Variants in MAU2 observed in about 807,000 individuals in gnomAD.
MAU2 encodes MAU2 sister chromatid cohesion factor, also known as MAU2 chromatid cohesion factor homolog.
In MAU2, 9 loss-of-function variants were observed where a neutral mutation model predicts 89.1. The ratio of observed to expected loss-of-function variants is 0.10; its 90% CI spans 0.06 to 0.18. MAU2 has a LOEUF of 0.18. Ranked by LOEUF, MAU2 falls within the 10% of genes least tolerant of loss-of-function variation. The probability of loss-of-function intolerance (pLI) is 1.00; values close to 1 mark genes in which losing one functional copy is unlikely to be tolerated. For synonymous variants in MAU2, 357 were observed against 343.4 expected (o/e 1.04, Z -0.44); for missense variants, 425 against 803.5 (o/e 0.53, Z 5.69).
chr19:19,344,833 C>A lies in MAU2; in HGVS notation c.1078-16C>A. 1 of 1,610,636 alleles carries A rather than the reference C, an allele frequency of 6.2e-7. No individual in the cohort carries two copies. Among genetic ancestry groups the A allele is most frequent in the Non-Finnish European group, 8.5e-7 (1 of 1,177,548 alleles). On this transcript the variant is annotated splice_polypyrimidine_tract_variant and intron_variant, in intron 10 of 18. Transcript: ENST00000262815. Reference sequence around the variant, plus strand: ...AGGTTGCAGTCCTGTGATGGCAGTACACTCTCTCCCGGCAGATCTCCCAGG... The same window carrying A: ...AGGTTGCAGTCCTGTGATGGCAGTAAACTCTCTCCCGGCAGATCTCCCAGG...
chr19:19,349,021 C>G, intron 14 of MAU2, 83 bp downstream of exon 14: 1 of 1,567,514 alleles, frequency 6.4e-7, no homozygotes, highest in Non-Finnish European at 8.7e-7. Flanking sequence ...CCCTTGCACC[C>G]TGACACCCCA....
chr19:19,353,294 A>C (rs545138404), intron 16 of MAU2: 2 of 152,384 alleles, frequency 1.3e-5, no homozygotes, highest in South Asian at 4.1e-4. Context: ...GCTTTCAGAC[A>C]GAGGTCCTTG....
At chr19:19,321,248 A>G in intron 1 of MAU2, 113 bp downstream of exon 1, 1 of 1,258,092 alleles carries the variant, frequency 7.9e-7, no homozygotes, top group Non-Finnish European at 1.0e-6. Flanking sequence ...TGGGGGCGCG[A>G]CCTCCGTCAA....
At chr19:19,344,054 G>A (rs2061674133) in intron 10 of MAU2, 114 bp downstream of exon 10, 1 of 812,252 alleles carries the variant, frequency 1.2e-6, no homozygotes, top group African/African-American at 1.7e-5. Context: ...CCATCCTGCT[G>A]TCTCGCTGTC....
intron 1 of MAU2, among the ~76,000 whole-genome samples, chr19:19,331,759 C>A (rs1288287071): frequency 4.0e-5 from 6 of 151,828 alleles, no homozygotes; most frequent in East Asian, 1.9e-4. Flanking sequence ...AAAAGAAAAA[C>A]AAAACTCTAA....
chr19:19,355,451 G>GA, intron 18 of MAU2, 60 bp downstream of exon 18: 1 of 1,598,184 alleles, frequency 6.3e-7, no homozygotes, highest in Non-Finnish European at 8.5e-7. Context: ...CCTGCAAGAG[G>GA]AAGGGGCACC....
At chr19:19,327,301 G>GTATTTATTTATT (rs147425412) in intron 1 of MAU2, among the ~76,000 whole-genome samples, 32 of 142,378 alleles carry the variant, frequency 2.2e-4, no homozygotes, top group Admixed American at 1.7e-3. Context: ...TTTTCTACTT[G>GTATTTATTTATT]TATTTATTTA....
At chr19:19,326,721 C>CATATAT (rs35247410) in intron 1 of MAU2, among the ~76,000 whole-genome samples, 12 of 80,992 alleles carry the variant, frequency 1.5e-4, no homozygotes, top group Non-Finnish European at 2.3e-4. Context: ...TATATATATA[C>CATATAT]ATATATATAT....
intron 16 of MAU2, among the ~76,000 whole-genome samples, chr19:19,349,965 G>A (rs1008956957): frequency 6.7e-6 from 1 of 149,300 alleles, no homozygotes; most frequent in Non-Finnish European, 1.5e-5. Flanking sequence ...CTGATCTCAC[G>A]AGGTCTTGAA....
chr19:19,335,870 C>A, intron 2 of MAU2, 135 bp downstream of exon 2: 1 of 993,888 alleles, frequency 1.0e-6, no homozygotes, highest in South Asian at 1.4e-5. Flanking sequence ...CTGGAGTGTC[C>A]CCCACCTGGC....
At chr19:19,329,956 A>T (rs573540643) in intron 1 of MAU2, among the ~76,000 whole-genome samples, 119 of 151,130 alleles carry the variant, frequency 7.9e-4, no homozygotes, top group African/African-American at 2.2e-3. Flanking sequence ...TGTCTTTTTA[A>T]TTATTTATTT....
chr19:19,324,049 G>T (rs947259927), intron 1 of MAU2, among the ~76,000 whole-genome samples: 3 of 152,200 alleles, frequency 2.0e-5, no homozygotes, highest in Admixed American at 6.5e-5. Flanking sequence ...GGTGCCGGGG[G>T]ATCAGCAATG....
In MAU2 at chr19:19,345,177, G is replaced by A. The variant is rs772953876; in HGVS notation, c.1156-127G>A. 4.7e-6 allele frequency: 4 copies of A among 855,450 alleles called. No individual in the cohort carries two copies. Among genetic ancestry groups the A allele is most frequent in the Non-Finnish European group, 7.7e-6 (4 of 520,226 alleles). 53.0% of individuals were successfully genotyped at this position (855,450 alleles called of 1,614,324 possible). On this transcript the variant is annotated intron_variant, in intron 11 of 18. Coordinates refer to ENST00000262815, the MANE Select transcript of MAU2 (RefSeq NM_015329.4). The surrounding 1 kb of genome is among the most constrained non-coding windows in gnomAD (Gnocchi z 4.9). Reference sequence around the variant, plus strand: ...CAGTGAGCATATTACCTGCCTTGCAGCTGGCTCGGTAGAGCCATTGTCATA... The same window carrying A: ...CAGTGAGCATATTACCTGCCTTGCAACTGGCTCGGTAGAGCCATTGTCATA...
intron 4 of MAU2, among the ~76,000 whole-genome samples, chr19:19,338,548 G>A (rs1409888069): frequency 6.6e-6 from 1 of 152,254 alleles, no homozygotes; most frequent in Non-Finnish European, 1.5e-5. Flanking sequence ...TGCTCACACA[G>A]CCTTGGGGGT....
chr19:19,348,630 T>C, intron 13 of MAU2: 1 of 609,210 alleles, frequency 1.6e-6, no homozygotes, highest in Non-Finnish European at 2.9e-6. Context: ...ACTCTGACCA[T>C]ACAAAGGCCT....
chr19:19,344,935 C>G lies in MAU2; in HGVS notation c.1155+9C>G, dbSNP rs1347727138. ...AGCTGCACACATTGCTGGTGAGTAA[C>G]CCTGTGACAACACCCCGGGAGAATC... On this transcript the variant is annotated intron_variant, in intron 11 of 18. Transcript: ENST00000262815. 1 of 1,612,992 alleles carries G rather than the reference C, an allele frequency of 6.2e-7. No individual in the cohort carries two copies. The highest frequency in any genetic ancestry group is 8.5e-7 in the Non-Finnish European group (1 of 1,179,536).
intron 16 of MAU2, 82 bp from the exon 17 acceptor site, chr19:19,354,273 G>A: frequency 9.1e-7 from 1 of 1,093,876 alleles, no homozygotes; most frequent in South Asian, 1.3e-5. Flanking sequence ...GTGGGTTCCA[G>A]ATTATCCCCA....
At chr19:19,343,512 C>T (rs1163427320) in intron 9 of MAU2, among the ~76,000 whole-genome samples, 1 of 150,150 alleles carries the variant, frequency 6.7e-6, no homozygotes, top group Non-Finnish European at 1.5e-5. Flanking sequence ...TGCATGGTGT[C>T]ATGATCCAGG....
At chr19:19,347,257 A>C (rs1207103343) in intron 12 of MAU2, 23 bp from the exon 13 acceptor site, 26 of 1,576,780 alleles carry the variant, frequency 1.6e-5, no homozygotes, top group Non-Finnish European at 2.3e-5. Context: ...CCAGCCCCCT[A>C]ATGTCCCCGC....
Sources: gnomAD v4.1 joint callset for allele counts (sites outside exome capture counted in the v4.1 genomes callset) on GRCh38, gnomAD v4.1.1 for gene constraint, Gnocchi (gnomAD v3.1) non-coding constraint, MANE v1.5 for transcripts, NCBI Gene and HGNC (gene_info 2026-07-23, HGNC 2026-07-21) for gene names.